The following OR3A2 variants were observed in gnomAD, a reference collection of about 807,000 sequenced individuals.
The protein encoded by OR3A2 is olfactory receptor family 3 subfamily A member 2.
For synonymous variants in OR3A2, 126 were observed against 159.3 expected, an observed-to-expected ratio of 0.79 and a Z score of 1.57; for missense variants, 318 against 392.8, an observed-to-expected ratio of 0.81 and a Z score of 1.61.
chr17:3,343,255 G>C (rs769400140), intron 2 of OR3A2, among the ~76,000 whole-genome samples: 1 of 152,148 alleles, frequency 6.6e-6, no homozygotes, highest in Non-Finnish European at 1.5e-5. Flanking sequence ...CACCCTCTGT[G>C]GGCTGCTCCC....
intron 3 of OR3A2, chr17:3,291,796 T>C: frequency 1.9e-6 from 3 of 1,613,752 alleles, no homozygotes; most frequent in Non-Finnish European, 1.7e-6. Flanking sequence ...CCCAGTCGCA[T>C]ATAGTTAAAG....
At chr17:3,280,551 C>T (rs567709754) in intron 1 of OR3A2, among the ~76,000 whole-genome samples, 3 of 152,296 alleles carry the variant, frequency 2.0e-5, no homozygotes, top group South Asian at 2.1e-4. Context: ...GGATTACAGG[C>T]GTGAGGCACT....
intron 2 of OR3A2, among the ~76,000 whole-genome samples, chr17:3,364,503 C>T (rs1476817421): frequency 6.6e-6 from 1 of 152,200 alleles, no homozygotes; most frequent in African/African-American, 2.4e-5. Context: ...GTCCACGTCT[C>T]ACCCAGCCTC....
chr17:3,379,355 G>T (rs1356483878), intron 2 of OR3A2, among the ~76,000 whole-genome samples: 1 of 152,156 alleles, frequency 6.6e-6, no homozygotes, highest in Admixed American at 6.5e-5. Context: ...AGGAACAGAA[G>T]TCATTTTGCT....
At chr17:3,336,556 C>T (rs2049275727) in intron 2 of OR3A2, among the ~76,000 whole-genome samples, 1 of 152,042 alleles carries the variant, frequency 6.6e-6, no homozygotes, top group African/African-American at 2.4e-5. Flanking sequence ...ACTACTAAAT[C>T]CATTAATGGT....
chr17:3,368,517 G>A (rs1025669451), intron 2 of OR3A2, among the ~76,000 whole-genome samples: 9 of 151,978 alleles, frequency 5.9e-5, no homozygotes, highest in South Asian at 2.1e-4. Context: ...TTAGCTTTTC[G>A]TTGCTTTGTC....
chr17:3,289,280 G>A (rs115347137), upstream of OR3A2, among the ~76,000 whole-genome samples: 2,329 of 152,262 alleles, frequency 0.015, 78 homozygotes, highest in African/African-American at 0.054. Flanking sequence ...TAAGTAGCAA[G>A]GAGATTTCCA....
At chr17:3,382,552 A>G (rs1356877473) in intron 2 of OR3A2, among the ~76,000 whole-genome samples, 1 of 152,062 alleles carries the variant, frequency 6.6e-6, no homozygotes, top group African/African-American at 2.4e-5. Flanking sequence ...AAAACCCAAC[A>G]TTTCTCTGCT....
chr17:3,288,269 AAAAAAAG>A (rs1362221046), upstream of OR3A2, among the ~76,000 whole-genome samples: 1 of 147,960 alleles, frequency 6.8e-6, no homozygotes, highest in Non-Finnish European at 1.5e-5. Flanking sequence ...AAAAAAAGAC[AAAAAAAG>A]AAAAAGAAAT....
intron 3 of OR3A2, among the ~76,000 whole-genome samples, chr17:3,335,549 A>G (rs567549558): frequency 6.6e-6 from 1 of 152,222 alleles, no homozygotes; most frequent in South Asian, 2.1e-4. Context: ...TGTGTTTCTG[A>G]TCTGCATCTT....
At chr17:3,346,542 A>G (rs2049364961) in intron 2 of OR3A2, among the ~76,000 whole-genome samples, 1 of 152,164 alleles carries the variant, frequency 6.6e-6, no homozygotes, top group African/African-American at 2.4e-5. Context: ...CAATCCAATT[A>G]TAGCAATTAT....
upstream of OR3A2, among the ~76,000 whole-genome samples, chr17:3,287,274 A>T (rs2048821748): frequency 7.8e-6 from 1 of 128,764 alleles, no homozygotes; most frequent in Non-Finnish European, 1.6e-5. Context: ...CACAGAGTGC[A>T]GAGTGGTCAG....
exon 2 of OR3A2, chr17:3,277,464 T>C (rs62089497): frequency 0.2 from 30,304 of 154,224 alleles, 3,948 homozygotes; most frequent in African/African-American, 0.35. Context: ...CAGAAATACT[T>C]TTGGTCACTT....
intron 3 of OR3A2, chr17:3,310,672 T>C (rs970072898): frequency 1.8e-6 from 1 of 543,592 alleles, no homozygotes; most frequent in African/African-American, 1.9e-5. Flanking sequence ...CTGACCATCA[T>C]GGCCTATGAC....
chr17:3,323,129 C>T (rs977695168), intron 3 of OR3A2, among the ~76,000 whole-genome samples: 2 of 152,030 alleles, frequency 1.3e-5, no homozygotes, highest in Non-Finnish European at 2.9e-5. Context: ...AAGTAATGGC[C>T]TTGTCTCTTT....
chr17:3,354,472 C>T (rs551051357), intron 2 of OR3A2, among the ~76,000 whole-genome samples: 1 of 151,018 alleles, frequency 6.6e-6, no homozygotes, highest in Non-Finnish European at 1.5e-5. Flanking sequence ...TATTATTGGT[C>T]TATTTGTATT....
intron 2 of OR3A2, among the ~76,000 whole-genome samples, chr17:3,336,502 AAAT>A (rs1223750681): frequency 6.6e-6 from 1 of 152,218 alleles, no homozygotes; most frequent in Non-Finnish European, 1.5e-5. Context: ...AAAAAACATT[AAAT>A]AAAAGAATTT....
At chr17:3,329,445 T>C (rs1025339188) in intron 3 of OR3A2, among the ~76,000 whole-genome samples, 1 of 147,696 alleles carries the variant, frequency 6.8e-6, no homozygotes, top group South Asian at 2.2e-4. Context: ...CTTGGGAGAG[T>C]GTATGTGTCG....
chr17:3,287,306 A>G (rs1334827890), upstream of OR3A2, among the ~76,000 whole-genome samples: 2 of 136,088 alleles, frequency 1.5e-5, no homozygotes, highest in African/African-American at 2.7e-5. Flanking sequence ...TAGGGTTCCC[A>G]TCACTCAAAT....
Sources: allele counts gnomAD v4.1 joint callset (sites outside exome capture counted in the v4.1 genomes callset), GRCh38; gene constraint gnomAD v4.1.1; transcripts MANE v1.5; gene names NCBI Gene and HGNC (gene_info 2026-07-23, HGNC 2026-07-21).